CES2: variants seen among roughly 807,000 people sequenced by gnomAD.
CES2 encodes the protein carboxylesterase 2, also known as cocaine esterase.
Under a neutral mutation model 52.1 loss-of-function variants are expected in CES2, and 42 were observed. The observed-to-expected ratio is 0.81, with a 90% confidence interval of 0.63 to 1.04. The LOEUF (loss-of-function observed/expected upper bound fraction) is 1.04, where lower values mean the gene tolerates loss of function less well. Ranked by LOEUF, CES2 falls within the 50% of genes least tolerant of loss-of-function variation. The pLI is 0.00. For missense variants in CES2, 656 were observed against 724.3 expected, an observed-to-expected ratio of 0.91 and a Z score of 1.08; for synonymous variants, 277 against 289.6, an observed-to-expected ratio of 0.96 and a Z score of 0.44.
chr16:66,938,489 G>A, intron 2 of CES2: 1 of 555,288 alleles, frequency 1.8e-6, no homozygotes, highest in Non-Finnish European at 3.2e-6. Flanking sequence ...CCGAAGGGAG[G>A]GGCAGACACA....
In CES2 at chr16:66,940,128, TAGAC is replaced by T. The variant is rs1963318787; in HGVS notation, c.424-90_424-87del. 5.1e-5 allele frequency: 78 copies of T among 1,527,788 alleles called. No individual in the cohort carries two copies. The South Asian group carries it at 9.5e-4, about 19-fold the overall frequency. The allele number at this position is 1,527,788 out of a possible 1,614,324, so 94.6% of individuals were successfully genotyped here. A position where few individuals can be genotyped will look rare whatever the true frequency, so the allele number is the denominator to read the frequency against. On this transcript the variant is annotated intron_variant, in intron 3 of 11. Transcript: ENST00000317091. Reference sequence around the variant, plus strand: ...TTGTGCTGGAGATCTAATGGGGAGGTAGACAGAGGCAAAGCACTGGTTGGTCTAG... The same window carrying T: ...TTGTGCTGGAGATCTAATGGGGAGGTAGAGGCAAAGCACTGGTTGGTCTAG...
At position 66,939,800 on chromosome 16, in the gene CES2, G is replaced by A. The variant is rs191693633; in HGVS notation, c.424-422G>A. Among the ~76,000 whole-genome samples, 109 of 152,312 alleles carry A rather than the reference G, an allele frequency of 7.2e-4. 1 individual carries two copies. The highest frequency in any genetic ancestry group is 1.2e-3 in the East Asian group (6 of 5,188). ...ATACCTCTCTGTAACCTCGAAATCC[G>A]GGATGATCCTCTCAGATTAGCCTCC... On this transcript the variant is annotated intron_variant, in intron 3 of 11. Transcript: ENST00000317091.
At position 66,939,262 on chromosome 16, in the gene CES2, GT is replaced by G. The variant is rs1290752970; in HGVS notation, c.329del (p.Phe110SerfsTer3). 1.2e-6 allele frequency: 2 copies of G among 1,613,906 alleles called. No individual in the cohort carries two copies. Among genetic ancestry groups the G allele is most frequent in the Admixed American group, 3.3e-5 (2 of 60,018 alleles). ...CAGTGGAGTCAGAGTTTCTTAGCCA[GT>G]TCAACATGACCTTCCCTTCCGACTC... Reference protein sequence around the residue: ...TAVESEFLSQFNMTFPSDSMS... With the variant: ...TAVESEFLSQXNMTFPSDSMS... On this transcript the variant is annotated frameshift_variant, in exon 3 of 12. Transcript: ENST00000317091. LOFTEE classifies it high-confidence loss of function.
rs370333411 is a variant in CES2 at position 66,942,803 on chromosome 16, C to T, written c.1420+18C>T. The T allele has an allele frequency of 3.1e-6, 5 of 1,613,944 alleles. No individual in the cohort carries two copies. In the African/African-American group the frequency reaches 4.0e-5, roughly 13 times the overall value. ...CAACTACAGTGAGTCTTCTTCCTTT[C>T]CCGGGAGGTGGGCTGGGATTCTGGC... is the stretch of plus-strand genomic sequence containing the variant. On this transcript the variant is annotated intron_variant, in intron 10 of 11. Transcript: ENST00000317091.
In CES2 at chr16:66,939,410, G is replaced by T. The variant is rs746545468; in HGVS notation, c.423+52G>T. 3.8e-6 allele frequency: 6 copies of T among 1,599,636 alleles called. No homozygotes were observed. The East Asian group carries it at 1.3e-4, about 36-fold the overall frequency. On this transcript the variant is annotated intron_variant, in intron 3 of 11. Coordinates refer to ENST00000317091, the MANE Select transcript of CES2 (RefSeq NM_001365405.1). Reference sequence around the variant, plus strand: ...GGGTTGGAGGACAGTTCTTCTGCAAGAAGCTGAAAAGGACAATATTAGCTC... The same window carrying T: ...GGGTTGGAGGACAGTTCTTCTGCAATAAGCTGAAAAGGACAATATTAGCTC...
intron 3 of CES2, 67 bp downstream of exon 3, chr16:66,939,425 A>AAT: frequency 6.5e-7 from 1 of 1,534,392 alleles, no homozygotes. Context: ...TGAAAAGGAC[A>AAT]ATATTAGCTC....
Position 66,941,586 on chromosome 16 carries a change from T to TC in CES2, c.997dup (p.Gln333ProfsTer5). 6.2e-7 allele frequency: 1 copy of TC among 1,614,158 alleles called. No individual in the cohort carries two copies. The highest frequency in any genetic ancestry group is 8.5e-7 in the Non-Finnish European group (1 of 1,180,020). On this transcript the variant is annotated frameshift_variant, in exon 7 of 12. Transcript: ENST00000317091. LOFTEE classifies it high-confidence loss of function. The stretch of plus-strand genomic sequence containing the variant: ...AGGAGCTGCTGGCCTCTGCCGACTT[T>TC]CAGCCTGTCCCTAGCATTGTTGGTG...
Position 66,942,237 on chromosome 16 carries a change from G to A in CES2, c.1270G>A (p.Ala424Thr), listed in dbSNP as rs766106056. The change falls in exon 9 of 12, where the codon GCA becomes ACA. Residue 424 changes from alanine to threonine, a missense_variant. Transcript: ENST00000317091. Reference protein sequence around the residue: ...SMFVIPALQVAHFQCSRAPVY... With the variant: ...SMFVIPALQVTHFQCSRAPVY... ...GTTTGTGATCCCTGCACTCCAAGTA[G>A]CACATTTTCAGTGTGAGTATATTTG... The A allele has an allele frequency of 6.2e-7, 1 of 1,611,728 alleles. No homozygotes were observed. Among genetic ancestry groups the A allele is most frequent in the Non-Finnish European group, 8.5e-7 (1 of 1,178,334 alleles).
chr16:66,944,582 AT>A lies in CES2; in HGVS notation c.*558del, dbSNP rs1213661518. The A allele has an allele frequency of 6.6e-6, 1 of 152,148 alleles. No homozygotes were observed. The highest frequency in any genetic ancestry group is 2.4e-5 in the African/African-American group (1 of 41,438). The allele number at this position is 152,148 out of a possible 1,614,324, so 9.4% of individuals were successfully genotyped here. On this transcript the variant is annotated 3_prime_UTR_variant, in exon 12 of 12. Transcript: ENST00000317091. Reference sequence around the variant, plus strand: ...CCCAACGTGGTGAAACCCCATCTCTATGAAAAATACAAAAATCAGACGGGCA... The same window carrying A: ...CCCAACGTGGTGAAACCCCATCTCTAGAAAAATACAAAAATCAGACGGGCA...
chr16:66,935,941 C>G, intron 1 of CES2: 1 of 1,425,414 alleles, frequency 7.0e-7, no homozygotes, highest in Non-Finnish European at 9.1e-7. Context: ...CAGCGGAGTA[C>G]AGGGGCCCCA....
chr16:66,940,476 G>A lies in CES2; in HGVS notation c.597G>A (p.Leu199=). 1 of 1,614,208 alleles carries A rather than the reference G, an allele frequency of 6.2e-7. No homozygotes were observed. Among genetic ancestry groups the A allele is most frequent in the Non-Finnish European group, 8.5e-7 (1 of 1,180,030 alleles). The change falls in exon 5 of 12, where the codon CTG becomes CTA. Residue 199 remains leucine, a synonymous_variant. Coordinates refer to ENST00000317091, the MANE Select transcript of CES2 (RefSeq NM_001365405.1). Reference sequence around the variant, plus strand: ...ACGCAACCGGCAACTGGGGCTACCTGGACCAAGTGGCTGCACTACGCTGGG... The same window carrying A: ...ACGCAACCGGCAACTGGGGCTACCTAGACCAAGTGGCTGCACTACGCTGGG... ...DKHATGNWGY[L]DQVAALRWVQ... is the part of the protein sequence containing the mutation.
chr16:66,943,461 C>A lies in CES2; in HGVS notation c.1493+90C>A, dbSNP rs774722500. 5.2e-6 allele frequency: 7 copies of A among 1,344,134 alleles called. No homozygotes were observed. Among genetic ancestry groups the A allele is most frequent in the Non-Finnish European group, 6.3e-6 (6 of 945,418 alleles). 83.3% of individuals were successfully genotyped at this position (1,344,134 alleles called of 1,614,324 possible). A position where few individuals can be genotyped will look rare whatever the true frequency, so the allele number is the denominator to read the frequency against. On this transcript the variant is annotated intron_variant, in intron 11 of 11. Coordinates refer to ENST00000317091, the MANE Select transcript of CES2 (RefSeq NM_001365405.1). The surrounding 1 kb of genome is among the most constrained non-coding windows in gnomAD (Gnocchi z 4.2). ...CTAGTCTGGGGTGACCTCATGAGCA[C>A]ACCCGCATCCTTCATCACATGATGG... is the stretch of plus-strand genomic sequence containing the variant.
At chr16:66,939,792 C>T (rs921506753) in intron 3 of CES2, among the ~76,000 whole-genome samples, 3 of 152,234 alleles carry the variant, frequency 2.0e-5, no homozygotes, top group Non-Finnish European at 2.9e-5. Flanking sequence ...TCTGTAACCT[C>T]GAAATCCGGG....
At position 66,940,694 on chromosome 16, in the gene CES2, C is replaced by G. The variant is rs141625476; in HGVS notation, c.815C>G (p.Thr272Arg). 1.9e-6 allele frequency: 3 copies of G among 1,613,874 alleles called. No homozygotes were observed. The highest frequency in any genetic ancestry group is 2.5e-6 in the Non-Finnish European group (3 of 1,179,930). The change falls in exon 5 of 12, where the codon ACG becomes AGG. Residue 272 changes from threonine to arginine, a missense_variant and splice_region_variant. By Grantham distance (71) the Thr-to-Arg change is moderately conservative. Coordinates refer to ENST00000317091, the MANE Select transcript of CES2 (RefSeq NM_001365405.1). ...LIASSADVISTVVANLSACDQ... is the reference protein window; with the variant it reads ...LIASSADVISRVVANLSACDQ... The stretch of plus-strand genomic sequence containing the variant: ...GCCAGCTCAGCTGATGTCATCTCCA[C>G]GGTGAGTGCCCTCAGCTGAAGAGGC...
Position 66,935,591 on chromosome 16 carries a change from C to G in CES2, c.-45C>G. 6.2e-7 allele frequency: 1 copy of G among 1,612,556 alleles called. No individual in the cohort carries two copies. On this transcript the variant is annotated 5_prime_UTR_variant, in exon 1 of 12. Transcript: ENST00000317091. ...AGACCCGGGGCAGCCTCTGGGTGAA[C>G]AGCAGCGTGTCCGCCGGCAGCGAAC...
In CES2 at chr16:66,940,363, T is replaced by G. The variant is rs1285179358; in HGVS notation, c.557+8T>G. 1 of 1,614,182 alleles carries G rather than the reference T, an allele frequency of 6.2e-7. No individual in the cohort carries two copies. Among genetic ancestry groups the G allele is most frequent in the East Asian group, 2.2e-5 (1 of 44,878 alleles). On this transcript the variant is annotated splice_region_variant and intron_variant, in intron 4 of 11. Transcript: ENST00000317091. ...TGTCCTGGGCTTCTTCAGGTGAGAC[T>G]AGGGCTGGGCTGGGCAACCCGGGCT... is the stretch of plus-strand genomic sequence containing the variant.
Position 66,939,355 on chromosome 16 carries a change from G to C in CES2, c.420G>C (p.Leu140=). Residue 140 remains leucine, a synonymous_variant, in exon 3 of 12, where the codon CTG becomes CTC. Transcript: ENST00000317091. ...CCCATAGCCATGAAGGCTCTAACCT[G>C]CCGGTGGGTGTCAGGCCACAGTTCA... ...TPAHSHEGSN[L]PVMVWIHGGA... is the part of the protein sequence containing the mutation. The C allele has an allele frequency of 6.2e-7, 1 of 1,614,064 alleles. No homozygotes were observed. Among genetic ancestry groups the C allele is most frequent in the Non-Finnish European group, 8.5e-7 (1 of 1,180,004 alleles).
rs144547041 is a variant in CES2 at position 66,935,516 on chromosome 16, T to A, written c.-120T>A. On this transcript the variant is annotated 5_prime_UTR_variant, in exon 1 of 12. Coordinates refer to ENST00000317091, the MANE Select transcript of CES2 (RefSeq NM_001365405.1). ...AAGCCAGCGCACCCCGCTGACTCCC[T>A]GCCCAGTCCAAACTCCAAGGCTGGG... 7.4e-6 allele frequency: 12 copies of A among 1,614,062 alleles called. No individual in the cohort carries two copies. The highest frequency in any genetic ancestry group is 1.0e-5 in the Non-Finnish European group (12 of 1,180,022).
Position 66,941,658 on chromosome 16 carries a change from C to A in CES2, c.1056+12C>A. ...GGCTCATCCCCAAGGTGAGCCCCAA[C>A]CCAAGCCCACAAGTGCCTGGGGAGC... On this transcript the variant is annotated intron_variant, in intron 7 of 11. Transcript: ENST00000317091. The A allele has an allele frequency of 6.2e-7, 1 of 1,613,686 alleles. No homozygotes were observed. Among genetic ancestry groups the A allele is most frequent in the African/African-American group, 1.3e-5 (1 of 75,032 alleles).
Sources: gnomAD v4.1 joint callset for allele counts (sites outside exome capture counted in the v4.1 genomes callset) on GRCh38, gnomAD v4.1.1 for gene constraint, Gnocchi (gnomAD v3.1) non-coding constraint, MANE v1.5 for transcripts, NCBI Gene and HGNC (gene_info 2026-07-23, HGNC 2026-07-21) for gene names.